Variants in CFAP91 observed in about 807,000 individuals in gnomAD.
CFAP91 encodes cilia and flagella associated protein 91, also known as cilia- and flagella-associated protein 91.
In CFAP91, 85 loss-of-function variants were observed where a neutral mutation model predicts 95.9. The observed-to-expected ratio is 0.89, with a 90% CI of 0.74 to 1.06. The LOEUF is 1.06. Ranked by LOEUF, CFAP91 falls within the 50% of genes least tolerant of loss-of-function variation. The probability of loss-of-function intolerance (pLI) is 0.00; values close to 1 mark genes in which losing one functional copy is unlikely to be tolerated. For missense variants in CFAP91, 962 were observed against 943.4 expected (o/e 1.02, Z -0.26); for synonymous variants, 335 against 327.5 (o/e 1.02, Z -0.25).
chr3:119,715,819 A>G, intron 6 of CFAP91, 76 bp downstream of exon 6: 1 of 1,335,288 alleles, frequency 7.5e-7, no homozygotes, highest in Non-Finnish European at 1.1e-6. Context: ...TGGCCCATGT[A>G]CAGGCAATTG....
intron 4 of CFAP91, among the ~76,000 whole-genome samples, chr3:119,708,986 A>G (rs749426345): frequency 2.6e-5 from 4 of 152,198 alleles, no homozygotes; most frequent in Non-Finnish European, 5.9e-5. Flanking sequence ...GCAACTAAGA[A>G]TATGTATTTG....
chr3:119,744,743 A>T (rs182566976), intron 14 of CFAP91, among the ~76,000 whole-genome samples: 4 of 152,318 alleles, frequency 2.6e-5, no homozygotes, highest in Admixed American at 2.6e-4. Flanking sequence ...AAGCAGAGGT[A>T]TTGTTTCAGT....
chr3:119,759,539 A>G (rs1020676057), intron 17 of CFAP91, among the ~76,000 whole-genome samples: 8 of 151,990 alleles, frequency 5.3e-5, no homozygotes, highest in Non-Finnish European at 1.0e-4. Flanking sequence ...TAATACAAAA[A>G]CATATGAAAG....
intron 7 of CFAP91, among the ~76,000 whole-genome samples, chr3:119,727,840 G>A (rs1400717087): frequency 6.6e-6 from 1 of 152,166 alleles, no homozygotes; most frequent in African/African-American, 2.4e-5. Flanking sequence ...TAGGTAAGAA[G>A]CCATCAGGCA....
chr3:119,734,506 T>C (rs1381865614), intron 10 of CFAP91, among the ~76,000 whole-genome samples: 1 of 152,200 alleles, frequency 6.6e-6, no homozygotes, highest in African/African-American at 2.4e-5. Context: ...AATCATGTGT[T>C]TATGTTGAAT....
In CFAP91 at chr3:119,733,424, C is replaced by A. The variant is rs1431609185; in HGVS notation, c.1262C>A (p.Pro421Gln). Residue 421 changes from proline to glutamine, a missense_variant, in exon 10 of 18, where the codon CCA becomes CAA. Transcript: ENST00000273390. ...GTGACACAACCCCAAATCAGAGCTC[C>A]AAAACCTAAAGTCATTACCACCAAA... ...DFVTQPQIRA[P>Q]KPKVITTKAG... 6.2e-7 allele frequency: 1 copy of A among 1,614,108 alleles called. No individual in the cohort carries two copies. The highest frequency in any genetic ancestry group is 1.1e-5 in the South Asian group (1 of 91,074).
At chr3:119,705,328 A>G (rs2053337954) in intron 1 of CFAP91, among the ~76,000 whole-genome samples, 1 of 152,210 alleles carries the variant, frequency 6.6e-6, no homozygotes, top group Non-Finnish European at 1.5e-5. Context: ...GCAAAGATGA[A>G]CACCTTTCCA....
rs771332145 is a variant in CFAP91, at chr3:119,726,176, G to A, written c.688G>A (p.Gly230Ser). 5.6e-6 allele frequency: 9 copies of A among 1,608,936 alleles called. No individual in the cohort carries two copies. Among genetic ancestry groups the A allele is most frequent in the East Asian group, 4.5e-5 (2 of 44,822 alleles). ...LTLATLTWGR[G>S]LPAGQAEVEM... The stretch of plus-strand genomic sequence containing the variant: ...TGTGCTGCTTTATCCTGCAGGTCGG[G>A]GTCTCCCAGCAGGACAAGCTGAGGT... Residue 230 changes from glycine (G) to serine (S), a missense_variant, in exon 7 of 18, where the codon GGT becomes AGT. Gly to Ser is a moderately conservative substitution (Grantham distance 56). Coordinates refer to ENST00000273390, the MANE Select transcript of CFAP91 (RefSeq NM_033364.4).
chr3:119,738,745 G>A (rs2054060828), intron 11 of CFAP91, among the ~76,000 whole-genome samples: 1 of 152,074 alleles, frequency 6.6e-6, no homozygotes, highest in Admixed American at 6.6e-5. Flanking sequence ...TCCAGACCCT[G>A]CTTTTTCTGC....
intron 6 of CFAP91, among the ~76,000 whole-genome samples, chr3:119,717,358 A>C (rs925113704): frequency 6.6e-6 from 1 of 152,190 alleles, no homozygotes; most frequent in Non-Finnish European, 1.5e-5. Context: ...GCAAAAAACA[A>C]ACAAAAAAAA....
chr3:119,761,005 A>G (rs2054528179), intron 17 of CFAP91, among the ~76,000 whole-genome samples: 1 of 151,862 alleles, frequency 6.6e-6, no homozygotes, highest in Non-Finnish European at 1.5e-5. Context: ...AATTAGTAGA[A>G]GGAAAGAAAT....
rs200783130 is a variant in CFAP91 at position 119,741,273 on chromosome 3, A to AT, written c.1680+585dup. ...TCAACTTTAAGATTTTTTTCCTTCC[A>AT]TTTTTTTCCCCAAATATCCAGTGAC... is the stretch of plus-strand genomic sequence containing the variant. On this transcript the variant is annotated intron_variant, in intron 13 of 17. Coordinates refer to ENST00000273390, the MANE Select transcript of CFAP91 (RefSeq NM_033364.4). Among the ~76,000 whole-genome samples the AT allele has an allele frequency of 7.3e-3, 1,109 of 152,102 alleles. 7 individuals carry two copies. Among genetic ancestry groups the AT allele is most frequent in the Middle Eastern group, 0.038 (11 of 292 alleles).
intron 17 of CFAP91, among the ~76,000 whole-genome samples, chr3:119,755,550 G>A (rs2054410472): frequency 6.6e-6 from 1 of 152,120 alleles, no homozygotes; most frequent in African/African-American, 2.4e-5. Flanking sequence ...TGAAGACACA[G>A]TAAGAAGGTG....
rs2054456515 is a variant in CFAP91 at position 119,757,540 on chromosome 3, G to A, written c.*1+6442G>A. ...TGTGTGCCTGTAGTCCCAGCTATTC[G>A]GGAAGCTGAGGCAGGAGGATTGCTT... On this transcript the variant is annotated intron_variant, in intron 17 of 17. Transcript: ENST00000273390. 2.6e-5 allele frequency among the ~76,000 whole-genome samples: 4 copies of A among 152,038 alleles called. 1 individual carries two copies. Among genetic ancestry groups the A allele is most frequent in the South Asian group, 4.1e-4 (2 of 4,822 alleles).
chr3:119,747,406 C>A, intron 15 of CFAP91, 143 bp downstream of exon 15: 1 of 902,518 alleles, frequency 1.1e-6, no homozygotes, highest in Non-Finnish European at 1.6e-6. Context: ...AACATTAACT[C>A]TTGAGAAGCC....
At chr3:119,708,763 C>A (rs1177562320) in intron 4 of CFAP91, 89 bp downstream of exon 4, 4 of 781,712 alleles carry the variant, frequency 5.1e-6, no homozygotes, top group Non-Finnish European at 8.4e-6. Flanking sequence ...TTTTTCAGTG[C>A]ATACAACGTG....
intron 9 of CFAP91, 144 bp from the exon 10 acceptor site, chr3:119,733,220 G>T: frequency 1.4e-6 from 1 of 711,058 alleles, no homozygotes. Flanking sequence ...ACATTTCAGG[G>T]ACACTTCATT....
chr3:119,747,233 T>C lies in CFAP91; in HGVS notation c.2021T>C (p.Ile674Thr). 6.2e-7 allele frequency: 1 copy of C among 1,613,338 alleles called. No individual in the cohort carries two copies. The highest frequency in any genetic ancestry group is 8.5e-7 in the Non-Finnish European group (1 of 1,179,642). Residue 674 changes from isoleucine (I) to threonine (T), a missense_variant, in exon 15 of 18, where the codon ATC (isoleucine) becomes ACC (threonine). By Grantham distance (89) the Ile-to-Thr change is moderately conservative. Transcript: ENST00000273390. ...GAAATAGAGAAGATGGCTGAGAAAA[T>C]CAATGACATTGCTTATGAAATGGAA... ...RAEIEKMAEK[I>T]NDIAYEMESR...
intron 1 of CFAP91, 180 bp from the exon 2 acceptor site, chr3:119,706,629 G>A: frequency 1.8e-6 from 1 of 548,514 alleles, no homozygotes. Flanking sequence ...ACTGTTGCTG[G>A]TAGAAGTGGT....
Sources: gnomAD v4.1 joint callset for allele counts (sites outside exome capture counted in the v4.1 genomes callset) on GRCh38, gnomAD v4.1.1 for gene constraint, MANE v1.5 for transcripts, NCBI Gene and HGNC (gene_info 2026-07-23, HGNC 2026-07-21) for gene names.